SLC5A10: variants seen among roughly 807,000 people sequenced by gnomAD.
SLC5A10 encodes sodium/mannose cotransporter SLC5A10.
A neutral mutation model predicts 68.9 loss-of-function variants in SLC5A10; 55 were observed. The observed-to-expected ratio is 0.80, with a 90% CI of 0.64 to 1.00. SLC5A10 has a LOEUF of 1.00. Among genes scored for constraint, SLC5A10 ranks in the 50% least tolerant of loss-of-function variants. The pLI is 0.00. For missense variants in SLC5A10, 732 were observed against 819.3 expected (o/e 0.89, Z 1.30); for synonymous variants, 344 against 344.8 (o/e 1.00, Z 0.02).
chr17:18,958,993 AAC>A lies in SLC5A10; in HGVS notation c.184-135_184-134del. Reference sequence around the variant, plus strand: ...TAGCTGTGCAGCTAGTCATGGGTAGAACACACACCCTGGGCTCCTCATCCGTG... The same window carrying A: ...TAGCTGTGCAGCTAGTCATGGGTAGAACACACCCTGGGCTCCTCATCCGTG... On this transcript the variant is annotated intron_variant, in intron 2 of 14. Coordinates refer to ENST00000395645, the MANE Select transcript of SLC5A10 (RefSeq NM_001042450.4). The A allele has an allele frequency of 6.0e-6, 5 of 833,022 alleles. No individual in the cohort carries two copies. The South Asian group carries it at 8.7e-5, about 14-fold the overall frequency. The allele number at this position is 833,022 out of a possible 1,614,324, so 51.6% of individuals were successfully genotyped here.
intron 9 of SLC5A10, among the ~76,000 whole-genome samples, chr17:18,980,231 G>A (rs1293553905): frequency 6.6e-6 from 1 of 152,132 alleles, no homozygotes; most frequent in Admixed American, 6.5e-5. Context: ...GTCTCTGCTG[G>A]GCTCTGCTCC....
At chr17:19,016,373 G>T (rs746969106) in intron 11 of SLC5A10, among the ~76,000 whole-genome samples, 2 of 152,110 alleles carry the variant, frequency 1.3e-5, no homozygotes, top group Non-Finnish European at 2.9e-5. Context: ...ATCCTCAGAG[G>T]TTAGCTCCCA....
chr17:18,972,446 C>G (rs563273966), intron 8 of SLC5A10, among the ~76,000 whole-genome samples: 35 of 152,344 alleles, frequency 2.3e-4, no homozygotes, highest in Non-Finnish European at 4.6e-4. Context: ...AGGCCAGAGA[C>G]AGAGCTGGAT....
rs534522922 is a variant in SLC5A10 at position 19,020,169 on chromosome 17, C to T, written c.1641C>T (p.Thr547=). The T allele has an allele frequency of 1.4e-6, 2 of 1,480,018 alleles. No individual in the cohort carries two copies. The highest frequency in any genetic ancestry group is 2.9e-5 in the African/African-American group (2 of 69,998). 91.7% of individuals were successfully genotyped at this position (1,480,018 alleles called of 1,614,324 possible). A position where few individuals can be genotyped will look rare whatever the true frequency, so the allele number is the denominator to read the frequency against. The change falls in exon 14 of 15, where the codon ACC becomes ACT. Residue 547 remains threonine (T), a synonymous_variant. Transcript: ENST00000395645. ...ATTTCTTACAGATTGAGAACCTTAC[C>T]TGGTGGACCCTGGCTCAGGATGTGC... ...PPQSVQIENL[T]WWTLAQDVPL...
At chr17:18,962,013 G>A (rs1292642621) in intron 5 of SLC5A10, among the ~76,000 whole-genome samples, 1 of 152,164 alleles carries the variant, frequency 6.6e-6, no homozygotes, top group African/African-American at 2.4e-5. Context: ...GAGGGACTTG[G>A]CCTTGGCCTG....
At chr17:18,977,652 G>A (rs377667225) in intron 9 of SLC5A10, 4 of 1,609,890 alleles carry the variant, frequency 2.5e-6, no homozygotes, top group Admixed American at 1.7e-5. Flanking sequence ...TCTCTTCCCC[G>A]ACTCTGGGCC....
intron 11 of SLC5A10, among the ~76,000 whole-genome samples, chr17:19,015,778 G>T (rs911905718): frequency 6.6e-6 from 1 of 152,192 alleles, no homozygotes; most frequent in Non-Finnish European, 1.5e-5. Context: ...CCCCAGGGAC[G>T]CTTGCCAGAT....
rs896374088 is a variant in SLC5A10, at chr17:19,000,172, G to A, written c.983-13238G>A. On this transcript the variant is annotated intron_variant, in intron 9 of 14. Transcript: ENST00000395645. The surrounding 1 kb of genome is among the most constrained non-coding windows in gnomAD (Gnocchi z 5.2). ...ATAAATCATGGCTCCTGGGGCTAGG[G>A]GAGGGGCAGGCAGTTGACCTTCCAT... Among the ~76,000 whole-genome samples, 2 of 152,234 alleles carry A rather than the reference G, an allele frequency of 1.3e-5. No homozygotes were observed. Among genetic ancestry groups the A allele is most frequent in the African/African-American group, 4.8e-5 (2 of 41,464 alleles).
In SLC5A10 at chr17:19,021,679, G is replaced by A. The variant is rs543748807; in HGVS notation, c.*1248G>A. 2.1e-4 allele frequency: 85 copies of A among 397,952 alleles called. No individual in the cohort carries two copies. The Middle Eastern group carries it at 2.5e-3, about 12-fold the overall frequency. The allele number at this position is 397,952 out of a possible 1,614,324, so 24.7% of individuals were successfully genotyped here. A position where few individuals can be genotyped will look rare whatever the true frequency, so the allele number is the denominator to read the frequency against. On this transcript the variant is annotated 3_prime_UTR_variant, in exon 15 of 15. Transcript: ENST00000395645. The surrounding 1 kb of genome is among the most constrained non-coding windows in gnomAD (Gnocchi z 4.1). ...GGGCCATTGACAAGAGGAGGTGGGC[G>A]GGGCCTCCACAGACTCCGCCCTGTG...
At chr17:18,978,901 GCCCAGCCCCCGTGCA>G (rs1265078403) in intron 9 of SLC5A10, 1 of 1,588,530 alleles carries the variant, frequency 6.3e-7, no homozygotes, top group Non-Finnish European at 8.6e-7. Context: ...TGCTTCCTCC[GCCCAGCCCCCGTGCA>G]CCCATAGCCG....
At chr17:18,959,528 A>G (rs2042570958) in intron 3 of SLC5A10, 76 bp from the exon 4 acceptor site, 2 of 1,522,906 alleles carry the variant, frequency 1.3e-6, no homozygotes, top group South Asian at 1.1e-5. Flanking sequence ...GGCTCATCCC[A>G]GCCATGTCTG....
chr17:19,013,107 C>G (rs887501208), intron 9 of SLC5A10, among the ~76,000 whole-genome samples: 1 of 152,234 alleles, frequency 6.6e-6, no homozygotes, highest in Non-Finnish European at 1.5e-5. Flanking sequence ...AAGGGAGGCT[C>G]AGGCCCCAGG....
intron 1 of SLC5A10, among the ~76,000 whole-genome samples, chr17:18,956,658 A>G (rs2042510389): frequency 1.3e-5 from 2 of 151,800 alleles, no homozygotes; most frequent in African/African-American, 4.8e-5. Flanking sequence ...AAAACTTTTT[A>G]TAGAGACAGA....
At chr17:18,975,554 C>T (rs1195453926) in intron 8 of SLC5A10, among the ~76,000 whole-genome samples, 4 of 152,004 alleles carry the variant, frequency 2.6e-5, no homozygotes, top group East Asian at 3.9e-4. Context: ...ATTAGCCGGG[C>T]GTGGTGGCTC....
intron 1 of SLC5A10, chr17:18,954,113 TG>T (rs2042436642): frequency 6.6e-6 from 1 of 152,188 alleles, no homozygotes; most frequent in African/African-American, 2.4e-5. Flanking sequence ...AAGGGTCCAA[TG>T]GAAGTGAAAA....
chr17:18,975,446 T>C (rs1338166215), intron 8 of SLC5A10, among the ~76,000 whole-genome samples: 1 of 152,128 alleles, frequency 6.6e-6, no homozygotes, highest in Non-Finnish European at 1.5e-5. Context: ...TCCCAGCACT[T>C]TGGGAGGCCG....
upstream of SLC5A10, among the ~76,000 whole-genome samples, chr17:18,951,239 T>G (rs2042363376): frequency 6.6e-6 from 1 of 152,228 alleles, no homozygotes; most frequent in Non-Finnish European, 1.5e-5. Flanking sequence ...ATAGAATTAG[T>G]GAGCGAGCGT....
At chr17:18,967,919 C>A (rs2042745233) in intron 5 of SLC5A10, among the ~76,000 whole-genome samples, 1 of 139,002 alleles carries the variant, frequency 7.2e-6, no homozygotes, top group Admixed American at 7.3e-5. Context: ...CCTTCCTATA[C>A]ACACACACAC....
intron 9 of SLC5A10, chr17:18,979,054 C>A: frequency 3.3e-6 from 2 of 613,430 alleles, no homozygotes; most frequent in Non-Finnish European, 5.7e-6. Context: ...CCCATTCCCA[C>A]CTCTGCAAAT....
Sources: gnomAD v4.1 joint callset for allele counts (sites outside exome capture counted in the v4.1 genomes callset) on GRCh38, gnomAD v4.1.1 for gene constraint, Gnocchi (gnomAD v3.1) non-coding constraint, MANE v1.5 for transcripts, NCBI Gene and HGNC (gene_info 2026-07-23, HGNC 2026-07-21) for gene names.